Variants in SLC6A2 observed in about 807,000 individuals in gnomAD.
The protein encoded by SLC6A2 is sodium-dependent noradrenaline transporter.
A neutral mutation model predicts 71.7 loss-of-function variants in SLC6A2; 26 were observed. The ratio of observed to expected loss-of-function variants is 0.36; its 90% CI spans 0.27 to 0.50. The LOEUF is 0.50. Among genes scored for constraint, SLC6A2 ranks in the 20% least tolerant of loss-of-function variants. The pLI is 0.96. For synonymous variants in SLC6A2, 363 were observed against 337.9 expected, an observed-to-expected ratio of 1.07 and a Z score of -0.82; for missense variants, 581 against 803.9, an observed-to-expected ratio of 0.72 and a Z score of 3.35.
At chr16:55,688,514 G>A (rs1449629998) in intron 5 of SLC6A2, among the ~76,000 whole-genome samples, 1 of 152,182 alleles carries the variant, frequency 6.6e-6, no homozygotes, top group Non-Finnish European at 1.5e-5. Flanking sequence ...TAGTGGTAAA[G>A]TGCAGACATT....
chr16:55,703,180 C>T lies in SLC6A2; in HGVS notation c.*834C>T, dbSNP rs760317148. The T allele has an allele frequency of 5.1e-6, 5 of 985,232 alleles. No individual in the cohort carries two copies. Among genetic ancestry groups the T allele is most frequent in the South Asian group, 4.7e-5 (1 of 21,286 alleles). 61.0% of individuals were successfully genotyped at this position (985,232 alleles called of 1,614,324 possible). A position where few individuals can be genotyped will look rare whatever the true frequency, so the allele number is the denominator to read the frequency against. On this transcript the variant is annotated 3_prime_UTR_variant, in exon 15 of 15. Coordinates refer to ENST00000568943, the MANE Select transcript of SLC6A2 (RefSeq NM_001172501.3). Reference sequence around the variant, plus strand: ...CATGCTGCTCTTGCTCTGTAAGACACGGAGCCCAGAAACCCATCTGCACTT... The same window carrying T: ...CATGCTGCTCTTGCTCTGTAAGACATGGAGCCCAGAAACCCATCTGCACTT...
At chr16:55,697,676 C>T (rs1256289658) in intron 9 of SLC6A2, among the ~76,000 whole-genome samples, 3 of 152,118 alleles carry the variant, frequency 2.0e-5, no homozygotes, top group African/African-American at 7.2e-5. Context: ...TTGACTTAAC[C>T]CTCACCCTCT....
At chr16:55,687,467 A>G (rs1167239426) in intron 5 of SLC6A2, among the ~76,000 whole-genome samples, 2 of 152,202 alleles carry the variant, frequency 1.3e-5, no homozygotes, top group Non-Finnish European at 2.9e-5. Flanking sequence ...AGTCAGGTGC[A>G]GGTAGAGGTG....
Position 55,705,202 on chromosome 16 carries a change from A to T in SLC6A2, c.*2856A>T, listed in dbSNP as rs1431354512. On this transcript the variant is annotated 3_prime_UTR_variant, in exon 15 of 15. Coordinates refer to ENST00000568943, the MANE Select transcript of SLC6A2 (RefSeq NM_001172501.3). ...TCTAGTTATTTAGCACCCACCTTTT[A>T]GCTTTCATTCTAGATGAAAACGAGA... 6.5e-7 allele frequency: 1 copy of T among 1,531,232 alleles called. No individual in the cohort carries two copies. Among genetic ancestry groups the T allele is most frequent in the Non-Finnish European group, 8.8e-7 (1 of 1,142,164 alleles). 94.9% of individuals were successfully genotyped at this position (1,531,232 alleles called of 1,614,324 possible).
Position 55,695,261 on chromosome 16 carries a change from T to C in SLC6A2, c.1023-17T>C. ...AGGGTGTCAAGGGACTTGACCTCAC[T>C]GTGCTTCTTCCCCCAGGGATGCCCT... On this transcript the variant is annotated splice_polypyrimidine_tract_variant and intron_variant, in intron 7 of 14. Transcript: ENST00000568943. 6.2e-7 allele frequency: 1 copy of C among 1,614,044 alleles called. No homozygotes were observed. Among genetic ancestry groups the C allele is most frequent in the Non-Finnish European group, 8.5e-7 (1 of 1,179,974 alleles).
chr16:55,658,292 G>A (rs1228541089), intron 2 of SLC6A2, among the ~76,000 whole-genome samples: 2 of 152,096 alleles, frequency 1.3e-5, no homozygotes, highest in Non-Finnish European at 2.9e-5. Flanking sequence ...TGGGCAGATT[G>A]CCTGAGCTCA....
At position 55,696,313 on chromosome 16, in the gene SLC6A2, C is replaced by A. The variant is rs748475722; in HGVS notation, c.1236C>A (p.Leu412=). The change falls in exon 9 of 15, where the codon CTC becomes CTA. Residue 412 remains leucine (L), a synonymous_variant. Transcript: ENST00000568943. ...TFWAVVFFVM[L]LALGLDSSMG... Reference sequence around the variant, plus strand: ...GGGCTGTTGTGTTTTTCGTCATGCTCCTGGCGCTGGGCCTTGACAGCTCAG... The same window carrying A: ...GGGCTGTTGTGTTTTTCGTCATGCTACTGGCGCTGGGCCTTGACAGCTCAG... The A allele has an allele frequency of 1.3e-4, 203 of 1,612,098 alleles. No homozygotes were observed. The highest frequency in any genetic ancestry group is 5.3e-4 in the Middle Eastern group (3 of 5,638).
In SLC6A2 at chr16:55,704,780, T is replaced by G. The variant is rs1451644231; in HGVS notation, c.*2434T>G. On this transcript the variant is annotated 3_prime_UTR_variant, in exon 15 of 15. Transcript: ENST00000568943. ...CCGGGGTGAATCGGAGATGTGGTGCTAGCTGAACCAACACCAAACCAACGC... is the reference window on the plus strand; with the variant it reads ...CCGGGGTGAATCGGAGATGTGGTGCGAGCTGAACCAACACCAAACCAACGC... The G allele has an allele frequency of 6.4e-6, 1 of 155,936 alleles. No homozygotes were observed. The highest frequency in any genetic ancestry group is 1.4e-5 in the Non-Finnish European group (1 of 70,658). 9.7% of individuals were successfully genotyped at this position (155,936 alleles called of 1,614,324 possible).
chr16:55,671,687 A>C, intron 3 of SLC6A2: 1 of 684,718 alleles, frequency 1.5e-6, no homozygotes. Flanking sequence ...TGTGCTCCTT[A>C]TGAGAATCTA....
chr16:55,688,403 T>A (rs142674618), intron 5 of SLC6A2, among the ~76,000 whole-genome samples: 1 of 152,356 alleles, frequency 6.6e-6, no homozygotes, highest in African/African-American at 2.4e-5. Context: ...TGTAGCTTGG[T>A]GTTTTCTTCA....
Position 55,702,330 on chromosome 16 carries a change from A to C in SLC6A2, c.1838A>C (p.His613Pro). ...QRDIRQFQLQ[H>P]WLAI ...CGCTGTCTTTCTCTGCAGTTGCAAC[A>C]CTGGCTGGCCATCTGAGCCTGCCTG... The change falls in exon 15 of 15, where the codon CAC becomes CCC. Residue 613 changes from histidine (H) to proline (P), a missense_variant. Physicochemically the swap from His to Pro is moderately conservative, Grantham distance 77. Around this residue, in one of 5 missense-constraint regions of SLC6A2, gnomAD observed 334 missense variants for 449.0 expected, o/e 0.74. Transcript: ENST00000568943. 1 of 1,614,142 alleles carries C rather than the reference A, an allele frequency of 6.2e-7. No homozygotes were observed.
intron 3 of SLC6A2, among the ~76,000 whole-genome samples, chr16:55,671,429 A>G (rs773292590): frequency 7.9e-5 from 12 of 152,004 alleles, no homozygotes; most frequent in Non-Finnish European, 2.9e-5. Context: ...GGGCCTATGG[A>G]CTCTGGCAAT....
intron 3 of SLC6A2, among the ~76,000 whole-genome samples, chr16:55,671,127 A>T (rs1964897465): frequency 6.6e-6 from 1 of 152,200 alleles, no homozygotes; most frequent in African/African-American, 2.4e-5. Context: ...AGACAAGGAT[A>T]TAAGTGTAAA....
At position 55,663,314 on chromosome 16, in the gene SLC6A2, GATTA is replaced by G. The variant is rs113949445; in HGVS notation, c.275-6248_275-6245del. Among the ~76,000 whole-genome samples the G allele has an allele frequency of 6.9e-4, 105 of 152,252 alleles. 1 individual carries two copies. The highest frequency in any genetic ancestry group is 2.5e-3 in the African/African-American group (103 of 41,518). ...CATGAGAGTGGATCCCTTATAAATGGATTAATGTCCTTTGGAGAGGGTAAGTGAG... is the reference window on the plus strand; with the variant it reads ...CATGAGAGTGGATCCCTTATAAATGGATGTCCTTTGGAGAGGGTAAGTGAG... On this transcript the variant is annotated intron_variant, in intron 2 of 14. Coordinates refer to ENST00000568943, the MANE Select transcript of SLC6A2 (RefSeq NM_001172501.3).
chr16:55,684,451 G>T (rs754341139), intron 4 of SLC6A2, among the ~76,000 whole-genome samples: 2 of 152,086 alleles, frequency 1.3e-5, no homozygotes, highest in Non-Finnish European at 2.9e-5. Context: ...CATGTCTTTT[G>T]GTGAACATGT....
chr16:55,663,723 G>A (rs927857699), intron 2 of SLC6A2, among the ~76,000 whole-genome samples: 17 of 151,922 alleles, frequency 1.1e-4, no homozygotes, highest in Non-Finnish European at 2.4e-4. Flanking sequence ...TGTAACATTG[G>A]GGCACGTTAG....
intron 4 of SLC6A2, among the ~76,000 whole-genome samples, chr16:55,674,401 A>G (rs1163473606): frequency 6.6e-6 from 1 of 151,826 alleles, no homozygotes; most frequent in Non-Finnish European, 1.5e-5. Flanking sequence ...ATTCCATGGT[A>G]TATATGTACC....
At chr16:55,702,177 G>T in intron 14 of SLC6A2, 146 bp from the exon 15 acceptor site, 1 of 903,742 alleles carries the variant, frequency 1.1e-6, no homozygotes, top group East Asian at 2.4e-5. Flanking sequence ...GTGACAATTA[G>T]GGAATCAACT....
At chr16:55,682,276 C>A (rs559780940) in intron 4 of SLC6A2, among the ~76,000 whole-genome samples, 7 of 152,240 alleles carry the variant, frequency 4.6e-5, no homozygotes, top group African/African-American at 1.4e-4. Flanking sequence ...TAGAATGAGA[C>A]AGGGAAGTTT....
Sources: gnomAD v4.1 joint callset for allele counts (sites outside exome capture counted in the v4.1 genomes callset) on GRCh38, gnomAD v4.1.1 for gene constraint, gnomAD v4.1.1 regional missense constraint, MANE v1.5 for transcripts, NCBI Gene and HGNC (gene_info 2026-07-23, HGNC 2026-07-21) for gene names.